The following GTF2A1 variants were observed in gnomAD, a reference collection of about 807,000 sequenced individuals.
The protein encoded by GTF2A1 is general transcription factor IIA subunit 1.
In GTF2A1, 12 loss-of-function variants were observed where a neutral mutation model predicts 54.1. The observed-to-expected ratio is 0.22, with a 90% confidence interval of 0.14 to 0.36. The LOEUF (loss-of-function observed/expected upper bound fraction) is 0.36. GTF2A1 is among the 10% of genes least tolerant of loss of function. The pLI is 1.00. For synonymous variants in GTF2A1, 145 were observed against 152.0 expected, an observed-to-expected ratio of 0.95 and a Z score of 0.34; for missense variants, 335 against 442.2, an observed-to-expected ratio of 0.76 and a Z score of 2.17.
At chr14:81,186,302 A>G (rs1449806388) in intron 7 of GTF2A1, among the ~76,000 whole-genome samples, 2 of 152,244 alleles carry the variant, frequency 1.3e-5, no homozygotes, top group African/African-American at 2.4e-5. Context: ...AAAACAGTGG[A>G]GAAATTAGAG....
At chr14:81,211,875 T>TCATATATATATATATATATATATATA (rs1419902730) in intron 2 of GTF2A1, among the ~76,000 whole-genome samples, 10 of 68,490 alleles carry the variant, frequency 1.5e-4, no homozygotes, top group African/African-American at 4.5e-4. Flanking sequence ...ATCAAGTACT[T>TCATATATATATATATATATATATATA]TATATATATA....
intron 2 of GTF2A1, among the ~76,000 whole-genome samples, chr14:81,210,310 T>C (rs933259069): frequency 4.6e-5 from 7 of 152,220 alleles, no homozygotes; most frequent in African/African-American, 1.7e-4. Context: ...TGTTTACAGT[T>C]TCTCCACAAT....
intron 8 of GTF2A1, 24 bp downstream of exon 8, chr14:81,185,507 G>A (rs1310305646): frequency 4.1e-6 from 5 of 1,221,416 alleles, no homozygotes; most frequent in Non-Finnish European, 6.1e-6. Flanking sequence ...AATAACGTCA[G>A]TAATCTGAAG....
chr14:81,192,383 ACTTTAT>A (rs1186880466), intron 7 of GTF2A1, 130 bp downstream of exon 7: 1 of 663,272 alleles, frequency 1.5e-6, no homozygotes, highest in Non-Finnish European at 2.6e-6. Flanking sequence ...AAACAATCTA[ACTTTAT>A]CTTTAAAATC....
intron 4 of GTF2A1, among the ~76,000 whole-genome samples, chr14:81,199,663 C>T (rs989136699): frequency 6.6e-6 from 1 of 152,198 alleles, no homozygotes; most frequent in East Asian, 1.9e-4. Flanking sequence ...GTAAAATATA[C>T]AGAAATGTTA....
In GTF2A1 at chr14:81,176,663, C is replaced by A. The variant is rs1235329289; in HGVS notation, c.*3560G>T. On this transcript the variant is annotated 3_prime_UTR_variant, in exon 9 of 9. Transcript: ENST00000553612. ...CATAGCATAATAGAGGACTAAAATGCAAAGCTATTTAACAAACTCATGAGG... is the reference window on the plus strand; with the variant it reads ...CATAGCATAATAGAGGACTAAAATGAAAAGCTATTTAACAAACTCATGAGG... 2.0e-5 allele frequency: 3 copies of A among 151,830 alleles called. No homozygotes were observed. The highest frequency in any genetic ancestry group is 2.9e-5 in the Non-Finnish European group (2 of 67,884). 9.4% of individuals were successfully genotyped at this position (151,830 alleles called of 1,614,324 possible).
Position 81,183,210 on chromosome 14 carries a change from A to T in GTF2A1, c.1023+2321T>A, listed in dbSNP as rs137877573. On this transcript the variant is annotated intron_variant, in intron 8 of 8. Transcript: ENST00000553612. ...AATAGTGCCAAGGGACATCATAAAC[A>T]GTATCTGTTGCACATGAAAAGAGCT... Among the ~76,000 whole-genome samples, 706 of 152,332 alleles carry T rather than the reference A, an allele frequency of 4.6e-3. 2 individuals are homozygous for T. Among genetic ancestry groups the T allele is most frequent in the Non-Finnish European group, 7.3e-3 (495 of 68,022 alleles).
intron 3 of GTF2A1, among the ~76,000 whole-genome samples, chr14:81,203,336 C>T (rs936615053): frequency 1.3e-5 from 2 of 152,086 alleles, no homozygotes; most frequent in Non-Finnish European, 2.9e-5. Context: ...GTTATATATC[C>T]ACTCTTAACT....
chr14:81,192,482 C>T, intron 7 of GTF2A1, 37 bp downstream of exon 7: 1 of 1,490,608 alleles, frequency 6.7e-7, no homozygotes, highest in Non-Finnish European at 9.1e-7. Flanking sequence ...AGGAAATAAT[C>T]AAGTAGATTA....
intron 3 of GTF2A1, chr14:81,202,897 TACC>T (rs1893145123): frequency 7.1e-6 from 3 of 420,662 alleles, no homozygotes; most frequent in Non-Finnish European, 1.4e-5. Flanking sequence ...GTATGAAAAG[TACC>T]ACTAGATATC....
intron 7 of GTF2A1, among the ~76,000 whole-genome samples, chr14:81,188,777 GAA>G (rs11307846): frequency 5.0e-4 from 72 of 144,590 alleles, no homozygotes; most frequent in Admixed American, 9.6e-4. Context: ...ACTCTGTCTC[GAA>G]AAAAAAAAAA....
intron 7 of GTF2A1, among the ~76,000 whole-genome samples, chr14:81,191,287 A>G (rs971814559): frequency 6.6e-6 from 1 of 152,212 alleles, no homozygotes; most frequent in Admixed American, 6.5e-5. Context: ...GCAGATGTGC[A>G]TGACTTAGGA....
rs764315318 is a variant in GTF2A1, at chr14:81,178,356, A to C, written c.*1867T>G. 3.3e-5 allele frequency: 5 copies of C among 152,008 alleles called. No individual in the cohort carries two copies. Among genetic ancestry groups the C allele is most frequent in the African/African-American group, 1.2e-4 (5 of 41,368 alleles). 9.4% of individuals were successfully genotyped at this position (152,008 alleles called of 1,614,324 possible). ...CACTTCTGTGATGTTACTCCCTCCC[A>C]TTTCCTCTTCTCTCAGTCTTAATAA... On this transcript the variant is annotated 3_prime_UTR_variant, in exon 9 of 9. Transcript: ENST00000553612.
intron 3 of GTF2A1, chr14:81,202,820 G>T: frequency 2.0e-6 from 1 of 509,964 alleles, no homozygotes; most frequent in Non-Finnish European, 3.9e-6. Flanking sequence ...AAGGCAACAG[G>T]AAGAACAGTC....
Position 81,178,099 on chromosome 14 carries a change from TACA to T in GTF2A1, c.*2121_*2123del, listed in dbSNP as rs2140142281. ...ATAAAGTTATAAAAACAGGCCAGTA[TACA>T]ACACTACTATGAATATGAATGTTTG... On this transcript the variant is annotated 3_prime_UTR_variant, in exon 9 of 9. Coordinates refer to ENST00000553612, the MANE Select transcript of GTF2A1 (RefSeq NM_015859.4). 6.6e-6 allele frequency: 1 copy of T among 152,214 alleles called. No individual in the cohort carries two copies. Among genetic ancestry groups the T allele is most frequent in the South Asian group, 2.1e-4 (1 of 4,824 alleles). 9.4% of individuals were successfully genotyped at this position (152,214 alleles called of 1,614,324 possible).
chr14:81,203,408 G>C (rs1431220913), intron 3 of GTF2A1, among the ~76,000 whole-genome samples: 10 of 152,126 alleles, frequency 6.6e-5, no homozygotes. Context: ...TGAATTTTCA[G>C]ATTGCCAAAG....
intron 4 of GTF2A1, among the ~76,000 whole-genome samples, chr14:81,200,181 A>T (rs1418092274): frequency 6.6e-6 from 1 of 152,290 alleles, no homozygotes; most frequent in East Asian, 1.9e-4. Flanking sequence ...CCACAGTATG[A>T]ATTTGTGAGG....
chr14:81,220,513 C>T lies in GTF2A1; in HGVS notation c.6G>A (p.Ala2=). The T allele has an allele frequency of 6.3e-7, 1 of 1,577,324 alleles. No homozygotes were observed. Residue 2 remains alanine (A), a synonymous_variant, in exon 1 of 9, where the codon GCG becomes GCA. Transcript: ENST00000553612. M[A]NSANTNTVPK... ...CCACGGTGTTTGTATTTGCCGAGTT[C>T]GCCATTTCCACACACAACACAAACA...
chr14:81,215,730 A>G (rs1893474293), intron 2 of GTF2A1, among the ~76,000 whole-genome samples: 1 of 152,194 alleles, frequency 6.6e-6, no homozygotes, highest in African/African-American at 2.4e-5. Flanking sequence ...GTACATTAAG[A>G]CCATTAAAAA....
Sources: allele counts gnomAD v4.1 joint callset (sites outside exome capture counted in the v4.1 genomes callset), GRCh38; gene constraint gnomAD v4.1.1; transcripts MANE v1.5; gene names NCBI Gene and HGNC (gene_info 2026-07-23, HGNC 2026-07-21).